Variants in NDUFB5 observed in about 807,000 individuals in gnomAD.
NDUFB5 encodes the protein NADH dehydrogenase [ubiquinone] 1 beta subcomplex subunit 5, mitochondrial.
Under a neutral mutation model 19.4 loss-of-function variants are expected in NDUFB5, and 19 were observed. The ratio of observed to expected loss-of-function variants is 0.98; its 90% CI spans 0.68 to 1.43. The LOEUF is 1.43. Ranked by LOEUF, NDUFB5 falls within the 40% of genes most tolerant of loss-of-function variation. NDUFB5 has a pLI of 0.00. For missense variants in NDUFB5, 233 were observed against 236.5 expected, an observed-to-expected ratio of 0.99 and a Z score of 0.10; for synonymous variants, 80 against 82.6, an observed-to-expected ratio of 0.97 and a Z score of 0.17.
At chr3:179,613,604 G>T (rs941036359) in intron 1 of NDUFB5, among the ~76,000 whole-genome samples, 4 of 152,150 alleles carry the variant, frequency 2.6e-5, no homozygotes, top group Non-Finnish European at 4.4e-5. Flanking sequence ...GTATGTTTCA[G>T]ATGATTTGCT....
At chr3:179,611,642 C>T (rs546841578) in intron 1 of NDUFB5, among the ~76,000 whole-genome samples, 6 of 152,062 alleles carry the variant, frequency 3.9e-5, no homozygotes, top group Admixed American at 2.6e-4. Flanking sequence ...TCAGGTGATC[C>T]GCCCGCCTCA....
At chr3:179,618,171 T>C (rs1253405318) in intron 4 of NDUFB5, 2 of 327,540 alleles carry the variant, frequency 6.1e-6, no homozygotes, top group Non-Finnish European at 1.1e-5. Flanking sequence ...CAGACAGACC[T>C]GGTTTGAGTC....
intron 3 of NDUFB5, among the ~76,000 whole-genome samples, chr3:179,616,313 C>T (rs1203129192): frequency 2.6e-5 from 4 of 152,046 alleles, no homozygotes; most frequent in Admixed American, 1.3e-4. Flanking sequence ...GAGGCCGAGG[C>T]GGGCAGATCA....
intron 5 of NDUFB5, among the ~76,000 whole-genome samples, chr3:179,622,649 C>T (rs1196459140): frequency 2.0e-5 from 3 of 151,974 alleles, no homozygotes; most frequent in African/African-American, 7.3e-5. Context: ...ATTTTAATTA[C>T]GGTTTGGATA....
intron 4 of NDUFB5, 109 bp from the exon 5 acceptor site, chr3:179,618,306 A>G (rs1719435908): frequency 1.6e-6 from 1 of 628,122 alleles, no homozygotes. Flanking sequence ...GTTACATAGT[A>G]GATGTTACTG....
chr3:179,608,987 T>C (rs986280305), intron 1 of NDUFB5, among the ~76,000 whole-genome samples: 2 of 152,236 alleles, frequency 1.3e-5, no homozygotes, highest in Non-Finnish European at 2.9e-5. Flanking sequence ...CAGATTTTAA[T>C]TACTGTAAAG....
At chr3:179,620,087 T>C (rs1719494129) in intron 5 of NDUFB5, among the ~76,000 whole-genome samples, 1 of 152,270 alleles carries the variant, frequency 6.6e-6, no homozygotes, top group Non-Finnish European at 1.5e-5. Flanking sequence ...CATTGTAGAT[T>C]CTGGATATTA....
chr3:179,616,532 A>G (rs1560025707), intron 3 of NDUFB5, among the ~76,000 whole-genome samples: 2 of 151,552 alleles, frequency 1.3e-5, no homozygotes, highest in Admixed American at 1.3e-4. Flanking sequence ...ACAGAGTGAG[A>G]CTCTGTCCCC....
intron 1 of NDUFB5, among the ~76,000 whole-genome samples, chr3:179,613,635 C>T (rs964231013): frequency 2.6e-5 from 4 of 152,158 alleles, no homozygotes; most frequent in African/African-American, 9.7e-5. Context: ...CTTACTTTGT[C>T]AAATTCTCTT....
At chr3:179,616,241 C>T (rs1320943744) in intron 3 of NDUFB5, among the ~76,000 whole-genome samples, 192 bp downstream of exon 3, 1 of 152,056 alleles carries the variant, frequency 6.6e-6, no homozygotes, top group African/African-American at 2.4e-5. Context: ...CATCCTAGAA[C>T]ATATAAAACT....
At chr3:179,610,656 T>C (rs1027448976) in intron 1 of NDUFB5, among the ~76,000 whole-genome samples, 1 of 152,224 alleles carries the variant, frequency 6.6e-6, no homozygotes, top group African/African-American at 2.4e-5. Context: ...TCATCCTTCC[T>C]AAAGATCTAG....
Position 179,604,909 on chromosome 3 carries a change from T to C in NDUFB5, c.94T>C (p.Phe32Leu), listed in dbSNP as rs1483479877. ...TGGCACTCGCCTCGGATTTGGGGGC[T>C]TCCTCACTCGTGGCTTTCCGAAGGC... ...PLGTRLGFGG[F>L]LTRGFPKAAA... is the part of the protein sequence containing the mutation. The change falls in exon 1 of 6, where the codon TTC becomes CTC. Residue 32 changes from phenylalanine to leucine, a missense_variant. Physicochemically the swap from Phe to Leu is conservative, Grantham distance 22. Transcript: ENST00000259037. 8.8e-6 allele frequency: 14 copies of C among 1,590,318 alleles called. No homozygotes were observed. Among genetic ancestry groups the C allele is most frequent in the South Asian group, 1.1e-5 (1 of 88,054 alleles).
chr3:179,612,235 T>G (rs6797961), intron 1 of NDUFB5, among the ~76,000 whole-genome samples: 40 of 151,196 alleles, frequency 2.6e-4, no homozygotes, highest in African/African-American at 9.2e-4. Context: ...GTAATCCCAG[T>G]TACTCCGCAA....
At chr3:179,611,191 T>C (rs1265993438) in intron 1 of NDUFB5, among the ~76,000 whole-genome samples, 1 of 152,184 alleles carries the variant, frequency 6.6e-6, no homozygotes, top group Non-Finnish European at 1.5e-5. Context: ...TGCTTCTGAA[T>C]ATTGGATGGC....
intron 5 of NDUFB5, among the ~76,000 whole-genome samples, chr3:179,623,162 C>G (rs1437524508): frequency 6.6e-6 from 1 of 152,196 alleles, no homozygotes; most frequent in Non-Finnish European, 1.5e-5. Context: ...TAGGCAGACA[C>G]AAGATGTGAA....
intron 5 of NDUFB5, among the ~76,000 whole-genome samples, chr3:179,619,469 C>G (rs942828242): frequency 6.6e-6 from 1 of 151,694 alleles, no homozygotes; most frequent in Admixed American, 6.6e-5. Context: ...TTTGTCCTTG[C>G]GATAGTTTGC....
At chr3:179,623,773 C>T in intron 5 of NDUFB5, 147 bp from the exon 6 acceptor site, 1 of 970,036 alleles carries the variant, frequency 1.0e-6, no homozygotes. Context: ...TAGATATATA[C>T]CAGATGTATG....
chr3:179,622,147 G>GT (rs930866181), intron 5 of NDUFB5, among the ~76,000 whole-genome samples: 1 of 151,738 alleles, frequency 6.6e-6, no homozygotes, highest in East Asian at 1.9e-4. Context: ...GTTTAGGGGG[G>GT]TTTTTTTGTT....
intron 3 of NDUFB5, 137 bp downstream of exon 3, chr3:179,616,186 T>A (rs566250059): frequency 3.0e-6 from 2 of 673,900 alleles, no homozygotes; most frequent in South Asian, 4.0e-5. Flanking sequence ...TGGCAGTTTA[T>A]CTTAAAATAA....
Sources: allele counts gnomAD v4.1 joint callset (sites outside exome capture counted in the v4.1 genomes callset), GRCh38; gene constraint gnomAD v4.1.1; transcripts MANE v1.5; gene names NCBI Gene and HGNC (gene_info 2026-07-23, HGNC 2026-07-21).